The following GPC1 variants were observed in gnomAD, a reference collection of about 807,000 sequenced individuals.
The protein encoded by GPC1 is glypican-1.
In GPC1, 26 loss-of-function variants were observed where a neutral mutation model predicts 51.5. The observed-to-expected ratio is 0.50, with a 90% CI of 0.37 to 0.70. The LOEUF (loss-of-function observed/expected upper bound fraction) is 0.70, where lower values mean the gene tolerates loss of function less well. Ranked by LOEUF, GPC1 falls within the 30% of genes least tolerant of loss-of-function variation. The pLI is 0.00. For synonymous variants in GPC1, 380 were observed against 348.3 expected (o/e 1.09, Z -1.01); for missense variants, 775 against 800.5 (o/e 0.97, Z 0.38).
intron 1 of GPC1, among the ~76,000 whole-genome samples, chr2:240,445,835 C>CTTGGAAAAA (rs2074046364): frequency 6.6e-6 from 1 of 152,194 alleles, no homozygotes; most frequent in Non-Finnish European, 1.5e-5. Flanking sequence ...TGGAAAACGG[C>CTTGGAAAAA]GTCCTCTCAC....
intron 2 of GPC1, among the ~76,000 whole-genome samples, chr2:240,460,427 TCA>T (rs1289724848): frequency 6.6e-6 from 1 of 152,164 alleles, no homozygotes; most frequent in Non-Finnish European, 1.5e-5. Context: ...ATCCTGGGCC[TCA>T]GTTTCTCCCC....
chr2:240,457,412 T>C (rs1184818284), intron 1 of GPC1: 1 of 470,238 alleles, frequency 2.1e-6, no homozygotes, highest in East Asian at 7.0e-5. Flanking sequence ...TGAGTGTGTG[T>C]ACTTAGAGGG....
At chr2:240,453,038 G>A (rs1423377264) in intron 1 of GPC1, 7 of 341,832 alleles carry the variant, frequency 2.0e-5, no homozygotes, top group Admixed American at 4.0e-5. Flanking sequence ...CGCGTCCGCC[G>A]CCGCGCTGGA....
chr2:240,467,126 G>A lies in GPC1; in HGVS notation c.*836G>A, dbSNP rs151050207. On this transcript the variant is annotated 3_prime_UTR_variant, in exon 9 of 9. Coordinates refer to ENST00000264039, the MANE Select transcript of GPC1 (RefSeq NM_002081.3). ...GGGTCCAGGGCTGTTGGAGGACCCC[G>A]AGGGCTGAGGAGCAGCCAGGACCCG... 1.2e-4 allele frequency: 19 copies of A among 152,384 alleles called. No homozygotes were observed. Among genetic ancestry groups the A allele is most frequent in the African/African-American group, 4.8e-5 (2 of 41,588 alleles). 9.4% of individuals were successfully genotyped at this position (152,384 alleles called of 1,614,324 possible).
intron 1 of GPC1, chr2:240,442,350 C>T (rs1559193945): frequency 1.3e-5 from 2 of 152,304 alleles, no homozygotes; most frequent in African/African-American, 2.4e-5. Context: ...GCTGTCGGAA[C>T]AGTGCCACAG....
rs141206711 is a variant in GPC1, at chr2:240,466,096, C to T, written c.1483C>T (p.Leu495=). The T allele has an allele frequency of 1.2e-6, 2 of 1,612,578 alleles. No homozygotes were observed. The highest frequency in any genetic ancestry group is 3.3e-5 in the Admixed American group (2 of 60,010). The part of the protein sequence containing the change: ...GSGSGSGDGC[L]DDLCSRKVSR... ...CGGCTCGGGCAGCGGTGATGGCTGTCTGGATGACCTCTGCAGCCGGAAGGT... is the reference window on the plus strand; with the variant it reads ...CGGCTCGGGCAGCGGTGATGGCTGTTTGGATGACCTCTGCAGCCGGAAGGT... The change falls in exon 9 of 9, where the codon CTG becomes TTG. Residue 495 remains leucine, a synonymous_variant. Transcript: ENST00000264039.
chr2:240,463,644 A>G (rs1282365131), intron 4 of GPC1, 132 bp downstream of exon 4: 2 of 729,344 alleles, frequency 2.7e-6, no homozygotes, highest in Non-Finnish European at 4.5e-6. Flanking sequence ...GACCCGGGCC[A>G]GATCTGGGTG....
chr2:240,445,808 G>A (rs184775249), intron 1 of GPC1, among the ~76,000 whole-genome samples: 867 of 152,282 alleles, frequency 5.7e-3, no homozygotes, highest in Non-Finnish European at 7.8e-3. Flanking sequence ...GCCCCTCCAC[G>A]TTCGTAGCAG....
chr2:240,463,610 C>T, intron 4 of GPC1, 98 bp downstream of exon 4: 2 of 1,027,600 alleles, frequency 1.9e-6, no homozygotes, highest in South Asian at 1.5e-5. Flanking sequence ...AGCTTGGACC[C>T]AGGGACCTGA....
chr2:240,449,022 G>T (rs2074072886), intron 1 of GPC1, among the ~76,000 whole-genome samples: 1 of 152,106 alleles, frequency 6.6e-6, no homozygotes, highest in South Asian at 2.1e-4. Flanking sequence ...CTGAGACCTG[G>T]GGGGGAAGCC....
intron 1 of GPC1, among the ~76,000 whole-genome samples, chr2:240,446,934 C>T (rs1199841885): frequency 3.9e-5 from 6 of 152,260 alleles, no homozygotes; most frequent in East Asian, 1.9e-4. Context: ...CATCAGAATC[C>T]GGGGTGGACT....
At chr2:240,465,018 G>A in intron 6 of GPC1, 43 bp downstream of exon 6, 3 of 1,576,088 alleles carry the variant, frequency 1.9e-6, no homozygotes, top group Non-Finnish European at 2.6e-6. Flanking sequence ...CATGAGGGAG[G>A]CAGACAGGCA....
intron 1 of GPC1, among the ~76,000 whole-genome samples, chr2:240,441,538 G>T (rs978972475): frequency 1.3e-5 from 2 of 152,260 alleles, no homozygotes; most frequent in Admixed American, 6.5e-5. Context: ...GCCCTGTCCA[G>T]TGTCGACGTG....
intron 1 of GPC1, among the ~76,000 whole-genome samples, chr2:240,436,598 C>T (rs1009376274): frequency 6.6e-6 from 1 of 152,250 alleles, no homozygotes; most frequent in Non-Finnish European, 1.5e-5. Flanking sequence ...CGGTCCTGCC[C>T]GGGGATTCTC....
chr2:240,453,790 G>T (rs933167947), intron 1 of GPC1, among the ~76,000 whole-genome samples: 1 of 151,892 alleles, frequency 6.6e-6, no homozygotes, highest in African/African-American at 2.4e-5. Flanking sequence ...GGCGGCTGGC[G>T]ACTGGCATCG....
At chr2:240,461,200 C>T (rs528808789) in intron 2 of GPC1, among the ~76,000 whole-genome samples, 32 of 152,322 alleles carry the variant, frequency 2.1e-4, no homozygotes, top group African/African-American at 6.3e-4. Flanking sequence ...CTCCCCACAG[C>T]GGCCTGGGAG....
chr2:240,435,769 T>C lies in GPC1; in HGVS notation c.-150T>C. ...CCGCCGCCGCCGCCGGCTTTTGTTG[T>C]CTCCGCCTCCTCGGCCGCCGCCGCC... On this transcript the variant is annotated 5_prime_UTR_variant, in exon 1 of 9. Transcript: ENST00000264039. 2.5e-6 allele frequency: 1 copy of C among 404,748 alleles called. No individual in the cohort carries two copies. The highest frequency in any genetic ancestry group is 3.9e-6 in the Non-Finnish European group (1 of 254,338). 25.1% of individuals were successfully genotyped at this position (404,748 alleles called of 1,614,324 possible). A position where few individuals can be genotyped will look rare whatever the true frequency, so the allele number is the denominator to read the frequency against.
rs1365875238 is a variant in GPC1 at position 240,462,313 on chromosome 2, C to G, written c.448C>G (p.Leu150Val). The G allele has an allele frequency of 6.2e-7, 1 of 1,607,650 alleles. No individual in the cohort carries two copies. ...CCGGGACCTGTACTCAGAGCTGCGCCTGTACTACCGCGGTGCCAACCTGCA... is the reference window on the plus strand; with the variant it reads ...CCGGGACCTGTACTCAGAGCTGCGCGTGTACTACCGCGGTGCCAACCTGCA... ...AFRDLYSELRLYYRGANLHLE... is the reference protein window; with the variant it reads ...AFRDLYSELRVYYRGANLHLE... The change falls in exon 3 of 9, where the codon CTG becomes GTG. Residue 150 changes from leucine to valine, a missense_variant. By Grantham distance (32) the Leu-to-Val change is conservative. Coordinates refer to ENST00000264039, the MANE Select transcript of GPC1 (RefSeq NM_002081.3).
Position 240,465,497 on chromosome 2 carries a change from C to G in GPC1, c.1293C>G (p.Asp431Glu). The G allele has an allele frequency of 6.2e-7, 1 of 1,613,082 alleles. No individual in the cohort carries two copies. Among genetic ancestry groups the G allele is most frequent in the Non-Finnish European group, 8.5e-7 (1 of 1,179,950 alleles). The change falls in exon 8 of 9, where the codon GAC (aspartate) becomes GAG (glutamate). Residue 431 changes from aspartate to glutamate, a missense_variant. By Grantham distance (45) the Asp-to-Glu change is conservative. Transcript: ENST00000264039. Reference sequence around the variant, plus strand: ...GGTACCTCCCCGAGGTCATGGGTGACGGCCTGGCCAACCAGATCAACAACC... The same window carrying G: ...GGTACCTCCCCGAGGTCATGGGTGAGGGCCTGGCCAACCAGATCAACAACC... ...RGRYLPEVMG[D>E]GLANQINNPE...
Sources: allele counts gnomAD v4.1 joint callset (sites outside exome capture counted in the v4.1 genomes callset), GRCh38; gene constraint gnomAD v4.1.1; transcripts MANE v1.5; gene names NCBI Gene and HGNC (gene_info 2026-07-23, HGNC 2026-07-21).